Variants in TMEM117 observed in about 807,000 individuals in gnomAD.
TMEM117 encodes the protein transmembrane protein 117.
Under a neutral mutation model 52.4 loss-of-function variants are expected in TMEM117, and 27 were observed. The observed-to-expected ratio is 0.51, with a 90% CI of 0.38 to 0.71. The LOEUF (loss-of-function observed/expected upper bound fraction) is 0.71. Among genes scored for constraint, TMEM117 ranks in the 30% least tolerant of loss-of-function variants. TMEM117 has a pLI of 0.00. For missense variants in TMEM117, 556 were observed against 630.5 expected, an observed-to-expected ratio of 0.88 and a Z score of 1.26; for synonymous variants, 215 against 206.3, an observed-to-expected ratio of 1.04 and a Z score of -0.36.
At chr12:44,307,773 C>A (rs1286746214) in intron 6 of TMEM117, among the ~76,000 whole-genome samples, 3 of 152,156 alleles carry the variant, frequency 2.0e-5, no homozygotes, top group African/African-American at 7.2e-5. Context: ...AGGAAGGAGT[C>A]CAGCCAAGTG....
chr12:44,061,304 C>T (rs842202), intron 3 of TMEM117, among the ~76,000 whole-genome samples: 50,106 of 151,960 alleles, frequency 0.33, 13,117 homozygotes, highest in African/African-American at 0.73. Flanking sequence ...TTGCAACTCA[C>T]GAGAATTTCT....
intron 4 of TMEM117, among the ~76,000 whole-genome samples, chr12:44,179,871 A>G (rs1209015349): frequency 6.6e-6 from 1 of 152,168 alleles, no homozygotes; most frequent in African/African-American, 2.4e-5. Context: ...GTGCTATATA[A>G]CAACAATTCA....
intron 3 of TMEM117, among the ~76,000 whole-genome samples, chr12:44,097,564 A>G (rs1947789299): frequency 1.3e-5 from 2 of 152,084 alleles, no homozygotes; most frequent in African/African-American, 4.8e-5. Flanking sequence ...TGTTCTTTGT[A>G]GGGACATGGA....
intron 6 of TMEM117, among the ~76,000 whole-genome samples, chr12:44,312,743 A>G (rs987524043): frequency 4.6e-5 from 7 of 152,170 alleles, no homozygotes; most frequent in African/African-American, 1.7e-4. Flanking sequence ...GTACATAAAC[A>G]TTCCCTTTTC....
intron 4 of TMEM117, among the ~76,000 whole-genome samples, chr12:44,195,059 C>T (rs1189654676): frequency 6.6e-6 from 1 of 152,188 alleles, no homozygotes; most frequent in East Asian, 1.9e-4. Context: ...TTAAACAAGA[C>T]ACATTTGATA....
chr12:44,375,268 A>G (rs759652612), intron 6 of TMEM117, among the ~76,000 whole-genome samples: 4 of 152,156 alleles, frequency 2.6e-5, no homozygotes, highest in Non-Finnish European at 4.4e-5. Context: ...TTACCTGTCT[A>G]TTTGCTGCTG....
intron 3 of TMEM117, among the ~76,000 whole-genome samples, chr12:44,140,305 AAAGTT>A (rs1165524908): frequency 2.0e-5 from 3 of 152,238 alleles, no homozygotes; most frequent in South Asian, 4.1e-4. Context: ...CCTCCATGGA[AAAGTT>A]TTTCATGATT....
At chr12:44,398,459 T>C in the TMEM117 span, among the ~76,000 whole-genome samples, 1 of 152,190 alleles carries the variant, frequency 6.6e-6, no homozygotes, top group Non-Finnish European at 1.5e-5. Flanking sequence ...CATTTTGTGA[T>C]TGACCAGTCA....
chr12:44,125,707 T>G (rs1948313204), intron 3 of TMEM117, among the ~76,000 whole-genome samples: 1 of 152,190 alleles, frequency 6.6e-6, no homozygotes, highest in Non-Finnish European at 1.5e-5. Flanking sequence ...TTTCTGTCTC[T>G]GTCTCCTTCA....
At chr12:44,316,930 A>G (rs537626360) in intron 6 of TMEM117, among the ~76,000 whole-genome samples, 1 of 150,610 alleles carries the variant, frequency 6.6e-6, no homozygotes, top group East Asian at 1.9e-4. Flanking sequence ...GGAAGCTCTG[A>G]CTGATTTTCT....
chr12:44,116,741 T>C lies in TMEM117; in HGVS notation c.411-26784T>C, dbSNP rs542976790. On this transcript the variant is annotated intron_variant, in intron 3 of 7. Transcript: ENST00000266534. ...GGGTCACCAGTTGCTGAAGCAGAGATACTGAATTTCTTTTAACCCCATCTT... is the reference window on the plus strand; with the variant it reads ...GGGTCACCAGTTGCTGAAGCAGAGACACTGAATTTCTTTTAACCCCATCTT... Among the ~76,000 whole-genome samples the C allele has an allele frequency of 9.1e-4, 138 of 152,324 alleles. 1 individual carries two copies. Among genetic ancestry groups the C allele is most frequent in the African/African-American group, 2.9e-3 (119 of 41,578 alleles).
rs1361497873 is a variant in TMEM117 at position 43,957,388 on chromosome 12, A to G, written c.410+13046A>G. Among the ~76,000 whole-genome samples the G allele has an allele frequency of 3.3e-5, 5 of 152,326 alleles. No individual in the cohort carries two copies. In the South Asian group the frequency reaches 6.2e-4, roughly 19 times the overall value. ...CCAACTATATTAAAATGAGAATTCTATAGTAATCACAGTTGAACTTTTGCA... is the reference window on the plus strand; with the variant it reads ...CCAACTATATTAAAATGAGAATTCTGTAGTAATCACAGTTGAACTTTTGCA... On this transcript the variant is annotated intron_variant, in intron 3 of 7. Transcript: ENST00000266534.
intron 3 of TMEM117, among the ~76,000 whole-genome samples, chr12:44,014,195 C>T (rs187277642): frequency 2.4e-4 from 37 of 152,232 alleles, no homozygotes; most frequent in South Asian, 1.9e-3. Context: ...TGCAGGTAGA[C>T]GGGCCATGGC....
chr12:43,943,176 C>CAAAAAAAAAAAAA (rs10667663), intron 2 of TMEM117, among the ~76,000 whole-genome samples: 1 of 72,228 alleles, frequency 1.4e-5, no homozygotes, highest in East Asian at 4.3e-4. Flanking sequence ...GACTCTGTCT[C>CAAAAAAAAAAAAA]AAAAAAAAAA....
intron 5 of TMEM117, among the ~76,000 whole-genome samples, chr12:44,296,312 G>C (rs1447721492): frequency 6.6e-6 from 1 of 152,142 alleles, no homozygotes. Context: ...CTGGACTATG[G>C]CTGAGAGGGG....
At chr12:44,303,968 C>G (rs149279068) in intron 6 of TMEM117, among the ~76,000 whole-genome samples, 4 of 152,260 alleles carry the variant, frequency 2.6e-5, no homozygotes, top group African/African-American at 9.6e-5. Flanking sequence ...ATAGAACCTT[C>G]CAGTGATCGT....
intron 3 of TMEM117, among the ~76,000 whole-genome samples, chr12:44,106,610 A>G (rs1947958922): frequency 6.6e-6 from 1 of 152,062 alleles, no homozygotes; most frequent in Admixed American, 6.6e-5. Flanking sequence ...GTATACATAT[A>G]ACATCACTTT....
chr12:44,266,089 T>A (rs1950374302), intron 5 of TMEM117, among the ~76,000 whole-genome samples: 1 of 152,224 alleles, frequency 6.6e-6, no homozygotes, highest in African/African-American at 2.4e-5. Context: ...ATATATGTTT[T>A]TATTTCTCTT....
chr12:44,151,329 CT>C lies in TMEM117; in HGVS notation c.510+7715del, dbSNP rs530283255. Among the ~76,000 whole-genome samples the C allele has an allele frequency of 9.2e-3, 1,292 of 140,626 alleles. 19 individuals are homozygous for C. The highest frequency in any genetic ancestry group is 0.057 in the South Asian group (248 of 4,364). 92.3% of individuals were successfully genotyped at this position (140,626 alleles called of 152,430 possible). A position where few individuals can be genotyped will look rare whatever the true frequency, so the allele number is the denominator to read the frequency against. On this transcript the variant is annotated intron_variant, in intron 4 of 7. Transcript: ENST00000266534. The stretch of plus-strand genomic sequence containing the variant: ...ATTTTTCTAACGTAAAGTTCCGCAC[CT>C]TTTTTTTTTGATGGAATTTTCTTTT...
Sources: allele counts gnomAD v4.1 joint callset (sites outside exome capture counted in the v4.1 genomes callset), GRCh38; gene constraint gnomAD v4.1.1; transcripts MANE v1.5; gene names NCBI Gene and HGNC (gene_info 2026-07-23, HGNC 2026-07-21).